Variants in CDH11 observed in about 807,000 individuals in gnomAD.
The protein encoded by CDH11 is cadherin 11, also known as cadherin-11.
A neutral mutation model predicts 67.8 loss-of-function variants in CDH11; 11 were observed. The ratio of observed to expected loss-of-function variants is 0.16; its 90% CI spans 0.10 to 0.27. The LOEUF is 0.27. CDH11 is among the 10% of genes least tolerant of loss of function. The pLI is 1.00. For missense variants in CDH11, 847 were observed against 1,031.2 expected (o/e 0.82, Z 2.45); for synonymous variants, 419 against 400.0 (o/e 1.05, Z -0.57).
At position 64,945,852 on chromosome 16, in the gene CDH11, A is replaced by G. The variant is rs941669648; in HGVS notation, c.*1751T>C. 2.8e-6 allele frequency: 3 copies of G among 1,053,788 alleles called. No homozygotes were observed. The highest frequency in any genetic ancestry group is 1.1e-4 in the Admixed American group (2 of 18,306). 65.3% of individuals were successfully genotyped at this position (1,053,788 alleles called of 1,614,324 possible). On this transcript the variant is annotated 3_prime_UTR_variant, in exon 13 of 13. Transcript: ENST00000268603. ...ACTTTCACAATAAAGTCAGAAAAAA[A>G]CTGTAAAAATTGTCTGCAATCCAAG...
At chr16:64,958,045 G>C (rs1241459840) in intron 11 of CDH11, among the ~76,000 whole-genome samples, 1 of 152,056 alleles carries the variant, frequency 6.6e-6, no homozygotes, top group Non-Finnish European at 1.5e-5. Flanking sequence ...CTACCTACCT[G>C]TACACATTAC....
At chr16:65,113,665 G>A (rs1213631280) in intron 1 of CDH11, among the ~76,000 whole-genome samples, 3 of 152,240 alleles carry the variant, frequency 2.0e-5, no homozygotes, top group East Asian at 1.9e-4. Flanking sequence ...GATGGTGAGA[G>A]GTCTGGAAAC....
intron 1 of CDH11, among the ~76,000 whole-genome samples, chr16:65,108,734 G>A (rs1263492702): frequency 1.3e-5 from 2 of 152,026 alleles, no homozygotes; most frequent in Admixed American, 6.6e-5. Flanking sequence ...ACAATTGAAA[G>A]TTGATTACTA....
chr16:64,985,524 C>A (rs1271611848), intron 7 of CDH11: 1 of 151,734 alleles, frequency 6.6e-6, no homozygotes, highest in Non-Finnish European at 1.5e-5. Context: ...CCTTAACTAT[C>A]CAGCAAATTT....
chr16:64,989,346 T>C (rs1238155664), intron 6 of CDH11, among the ~76,000 whole-genome samples: 3 of 152,060 alleles, frequency 2.0e-5, no homozygotes, highest in African/African-American at 7.2e-5. Context: ...TGTATGTGTA[T>C]GAGTGTGATT....
chr16:64,960,105 C>T (rs1302136218), intron 11 of CDH11, among the ~76,000 whole-genome samples: 1 of 152,130 alleles, frequency 6.6e-6, no homozygotes, highest in Admixed American at 6.5e-5. Context: ...ATTAGAGGGT[C>T]ATCTCATTCT....
chr16:65,081,341 G>A (rs1249114670), intron 1 of CDH11, among the ~76,000 whole-genome samples: 1 of 152,132 alleles, frequency 6.6e-6, no homozygotes, highest in Non-Finnish European at 1.5e-5. Flanking sequence ...GGCCAAGGCG[G>A]GCAGATCACG....
intron 8 of CDH11, among the ~76,000 whole-genome samples, chr16:64,975,886 A>G (rs2072154049): frequency 6.6e-6 from 1 of 152,220 alleles, no homozygotes; most frequent in Admixed American, 6.5e-5. Flanking sequence ...AATTAAAAAG[A>G]AAAAGAGGAA....
At chr16:65,107,313 G>C (rs1355223374) in intron 1 of CDH11, among the ~76,000 whole-genome samples, 4 of 152,184 alleles carry the variant, frequency 2.6e-5, no homozygotes, top group Non-Finnish European at 5.9e-5. Flanking sequence ...ACCTCATTGA[G>C]ACTGTCCTGA....
At chr16:65,115,206 A>G (rs2075222176) in intron 1 of CDH11, among the ~76,000 whole-genome samples, 1 of 152,166 alleles carries the variant, frequency 6.6e-6, no homozygotes. Context: ...ATGCAAAGGT[A>G]GGAAGGAGGC....
In CDH11 at chr16:64,945,315, AAAAAG is replaced by A. The variant is rs1310710343; in HGVS notation, c.*2283_*2287del. ...AAAATAAAAGGTAAAAAAAAAAAAA[AAAAAG>A]AAAAAGAAAAACAAGTATTCTTAAC... On this transcript the variant is annotated 3_prime_UTR_variant, in exon 13 of 13. Coordinates refer to ENST00000268603, the MANE Select transcript of CDH11 (RefSeq NM_001797.4). 0.028 allele frequency: 17,934 copies of A among 639,688 alleles called. 224 individuals carry two copies. Among genetic ancestry groups the A allele is most frequent in the Non-Finnish European group, 0.032 (16,179 of 501,212 alleles). 39.6% of individuals were successfully genotyped at this position (639,688 alleles called of 1,614,324 possible).
intron 1 of CDH11, among the ~76,000 whole-genome samples, chr16:65,100,029 T>G (rs573737231): frequency 5.9e-5 from 9 of 152,132 alleles, no homozygotes; most frequent in Non-Finnish European, 1.2e-4. Context: ...GCAAAAGAAT[T>G]AGAAAAATAG....
intron 12 of CDH11, among the ~76,000 whole-genome samples, chr16:64,949,355 A>G (rs1398192996): frequency 6.6e-6 from 1 of 150,908 alleles, no homozygotes; most frequent in East Asian, 1.9e-4. Flanking sequence ...TCAGCAGCCA[A>G]CCTGTATGTC....
chr16:64,970,358 C>G (rs188774944), intron 11 of CDH11, among the ~76,000 whole-genome samples: 251 of 152,246 alleles, frequency 1.6e-3, no homozygotes, highest in Non-Finnish European at 2.1e-3. Context: ...ATCATCAGCA[C>G]GAAAGGATTC....
Position 64,945,591 on chromosome 16 carries a change from A to T in CDH11, c.*2012T>A. ...TTTGGATTACAAAAACTATATAAAA[A>T]AATGAACACAACCTGCAATTATGGA... On this transcript the variant is annotated 3_prime_UTR_variant, in exon 13 of 13. Coordinates refer to ENST00000268603, the MANE Select transcript of CDH11 (RefSeq NM_001797.4). The T allele has an allele frequency of 9.7e-7, 1 of 1,031,632 alleles. No homozygotes were observed. The highest frequency in any genetic ancestry group is 1.2e-6 in the Non-Finnish European group (1 of 857,622). 63.9% of individuals were successfully genotyped at this position (1,031,632 alleles called of 1,614,324 possible). A position where few individuals can be genotyped will look rare whatever the true frequency, so the allele number is the denominator to read the frequency against.
intron 8 of CDH11, among the ~76,000 whole-genome samples, chr16:64,973,952 T>A (rs1289033596): frequency 1.3e-5 from 2 of 152,148 alleles, no homozygotes; most frequent in Non-Finnish European, 2.9e-5. Flanking sequence ...TTGTAGGGCA[T>A]TTTCCCATAT....
chr16:65,036,373 G>A (rs2073754786), intron 2 of CDH11, among the ~76,000 whole-genome samples: 1 of 152,042 alleles, frequency 6.6e-6, no homozygotes, highest in African/African-American at 2.4e-5. Context: ...GGACTCTAGA[G>A]GCAATGGATC....
chr16:65,066,127 C>A (rs891338837), intron 1 of CDH11, among the ~76,000 whole-genome samples: 17 of 152,232 alleles, frequency 1.1e-4, no homozygotes, highest in African/African-American at 4.1e-4. Flanking sequence ...TTCTAGGAAC[C>A]CATTGCTTTG....
chr16:64,950,665 A>T (rs544835941), intron 12 of CDH11, 102 bp downstream of exon 12: 5 of 1,414,640 alleles, frequency 3.5e-6, no homozygotes, highest in Non-Finnish European at 4.7e-6. Context: ...CGACAGTCAT[A>T]ACAGGGTCCT....
Sources: allele counts gnomAD v4.1 joint callset (sites outside exome capture counted in the v4.1 genomes callset), GRCh38; gene constraint gnomAD v4.1.1; transcripts MANE v1.5; gene names NCBI Gene and HGNC (gene_info 2026-07-23, HGNC 2026-07-21).